CHCHD3: variants seen among roughly 807,000 people sequenced by gnomAD.
CHCHD3 encodes MICOS complex subunit MIC19.
Under a neutral mutation model 38.2 loss-of-function variants are expected in CHCHD3, and 20 were observed. The observed-to-expected ratio is 0.52, with a 90% CI of 0.37 to 0.76. The LOEUF is 0.76. CHCHD3 is among the 30% of genes least tolerant of loss of function. CHCHD3 has a pLI of 0.00. For missense variants in CHCHD3, 245 were observed against 279.2 expected, an observed-to-expected ratio of 0.88 and a Z score of 0.87; for synonymous variants, 82 against 100.0, an observed-to-expected ratio of 0.82 and a Z score of 1.07.
At chr7:132,852,351 G>T (rs1808239940) in intron 5 of CHCHD3, among the ~76,000 whole-genome samples, 1 of 152,154 alleles carries the variant, frequency 6.6e-6, no homozygotes, top group Non-Finnish European at 1.5e-5. Flanking sequence ...ACAGTACACA[G>T]AGATAACCAG....
chr7:132,892,645 AGGAAAAACGGTTGCCT>A (rs1362759477), intron 4 of CHCHD3, among the ~76,000 whole-genome samples: 4 of 152,174 alleles, frequency 2.6e-5, no homozygotes, highest in African/African-American at 7.2e-5. Flanking sequence ...AGGCCTAGGA[AGGAAAAACGGTTGCCT>A]GGACCAGACC....
At chr7:133,061,765 T>C (rs1030409673) in intron 2 of CHCHD3, among the ~76,000 whole-genome samples, 4 of 152,180 alleles carry the variant, frequency 2.6e-5, no homozygotes, top group Admixed American at 2.6e-4. Context: ...CAACCACTCA[T>C]TCAGGGGAAG....
chr7:132,891,780 G>A (rs1233168280), intron 4 of CHCHD3, among the ~76,000 whole-genome samples: 6 of 152,184 alleles, frequency 3.9e-5, no homozygotes, highest in African/African-American at 1.2e-4. Flanking sequence ...TGGATAATGG[G>A]GGAGGTTCCC....
chr7:133,072,467 G>A (rs759876379), intron 1 of CHCHD3, among the ~76,000 whole-genome samples: 18 of 151,958 alleles, frequency 1.2e-4, no homozygotes, highest in East Asian at 7.7e-4. Flanking sequence ...AAGCATAGCC[G>A]GATTAAATAA....
chr7:133,077,321 C>T (rs1456176984), intron 1 of CHCHD3, among the ~76,000 whole-genome samples: 1 of 152,174 alleles, frequency 6.6e-6, no homozygotes, highest in African/African-American at 2.4e-5. Context: ...AATTTGTAGT[C>T]TCTGATAACA....
rs1811220731 is a variant in CHCHD3 at position 132,957,818 on chromosome 7, A to C, written c.369+17351T>G. Among the ~76,000 whole-genome samples the C allele has an allele frequency of 2.0e-5, 3 of 152,146 alleles. 1 individual carries two copies. The South Asian group carries it at 6.2e-4, about 31-fold the overall frequency. ...CTTCAATAAACTTTTGAAAATGAAA[A>C]GCCCAGTTGGCACGTGGTACAGGAG... On this transcript the variant is annotated intron_variant, in intron 4 of 7. Transcript: ENST00000262570.
chr7:132,979,405 G>A (rs921422222), intron 3 of CHCHD3, among the ~76,000 whole-genome samples: 4 of 152,156 alleles, frequency 2.6e-5, no homozygotes, highest in Non-Finnish European at 5.9e-5. Context: ...TGGTTACTGA[G>A]AATGAAGTAG....
chr7:133,059,970 C>A (rs1270658237), intron 2 of CHCHD3, among the ~76,000 whole-genome samples: 3 of 152,060 alleles, frequency 2.0e-5, no homozygotes, highest in African/African-American at 4.8e-5. Flanking sequence ...GGCTCATAAT[C>A]AAATGGGAAA....
chr7:132,880,713 A>G (rs576313808), intron 5 of CHCHD3, among the ~76,000 whole-genome samples: 196 of 152,328 alleles, frequency 1.3e-3, no homozygotes, highest in Middle Eastern at 6.8e-3. Context: ...ATAAACACAC[A>G]TAACTAATCA....
chr7:133,076,043 A>C (rs1814980448), intron 1 of CHCHD3, among the ~76,000 whole-genome samples: 1 of 140,020 alleles, frequency 7.1e-6, no homozygotes, highest in East Asian at 2.1e-4. Context: ...TGGGCAAGAG[A>C]ATGAGATTCT....
In CHCHD3 at chr7:132,799,530, C is replaced by T. The variant is rs140086215; in HGVS notation, c.525-2953G>A. Reference sequence around the variant, plus strand: ...AAAATTAAGTCTTAGCAGCAAAGGACGATTAGACAAGTTAATTTCTTTGTA... The same window carrying T: ...AAAATTAAGTCTTAGCAGCAAAGGATGATTAGACAAGTTAATTTCTTTGTA... On this transcript the variant is annotated intron_variant, in intron 6 of 7. Coordinates refer to ENST00000262570, the MANE Select transcript of CHCHD3 (RefSeq NM_017812.4). Among the ~76,000 whole-genome samples the T allele has an allele frequency of 8.6e-3, 1,303 of 151,916 alleles. 40 individuals carry two copies. The highest frequency in any genetic ancestry group is 0.065 in the Admixed American group (986 of 15,266).
intron 4 of CHCHD3, among the ~76,000 whole-genome samples, chr7:132,920,603 A>G (rs1365612744): frequency 3.9e-5 from 6 of 152,196 alleles, no homozygotes; most frequent in African/African-American, 1.2e-4. Context: ...GTCGTCATGA[A>G]AAAGCAAAAA....
At chr7:132,991,627 T>A (rs1230597338) in intron 3 of CHCHD3, among the ~76,000 whole-genome samples, 1 of 152,180 alleles carries the variant, frequency 6.6e-6, no homozygotes, top group East Asian at 1.9e-4. Flanking sequence ...CAGTTCCAAC[T>A]ATTTCCTCAA....
intron 4 of CHCHD3, among the ~76,000 whole-genome samples, chr7:132,933,508 A>G (rs1313020973): frequency 6.6e-6 from 1 of 152,214 alleles, no homozygotes; most frequent in Non-Finnish European, 1.5e-5. Flanking sequence ...GAATCACTGG[A>G]GAGTTTTGAA....
At chr7:132,963,769 A>T (rs1311397838) in intron 4 of CHCHD3, among the ~76,000 whole-genome samples, 1 of 152,110 alleles carries the variant, frequency 6.6e-6, no homozygotes, top group Non-Finnish European at 1.5e-5. Context: ...GACATACAGT[A>T]AAATCAGTTA....
In CHCHD3 at chr7:132,985,072, T is replaced by TG. The variant is rs1183551957; in HGVS notation, c.252-9787dup. 4.7e-5 allele frequency among the ~76,000 whole-genome samples: 4 copies of TG among 84,352 alleles called. 1 individual carries two copies. The highest frequency in any genetic ancestry group is 7.3e-5 in the Non-Finnish European group (3 of 41,290). 55.3% of individuals were successfully genotyped at this position (84,352 alleles called of 152,430 possible). A position where few individuals can be genotyped will look rare whatever the true frequency, so the allele number is the denominator to read the frequency against. On this transcript the variant is annotated intron_variant, in intron 3 of 7. Coordinates refer to ENST00000262570, the MANE Select transcript of CHCHD3 (RefSeq NM_017812.4). ...CCAGCCGCCCCGTCCGGAAGGGAGG[T>TG]GGGGGGGTTAGCCCCCCGTCCGGCC... is the stretch of plus-strand genomic sequence containing the variant.
chr7:132,841,956 G>C (rs1202950867), intron 5 of CHCHD3, among the ~76,000 whole-genome samples: 2 of 152,070 alleles, frequency 1.3e-5, no homozygotes, highest in African/African-American at 4.8e-5. Context: ...AAATTAGCCA[G>C]GCGTGGTGGC....
chr7:132,936,846 G>A (rs1241928401), intron 4 of CHCHD3, among the ~76,000 whole-genome samples: 2 of 152,146 alleles, frequency 1.3e-5, no homozygotes, highest in Non-Finnish European at 2.9e-5. Flanking sequence ...CATGCTTGAA[G>A]CCCCCATTGC....
At chr7:132,805,491 T>C (rs889327456) in intron 6 of CHCHD3, among the ~76,000 whole-genome samples, 16 of 151,596 alleles carry the variant, frequency 1.1e-4, no homozygotes, top group African/African-American at 3.2e-4. Context: ...CAGGTTGTAG[T>C]AGAGGGTTGG....
Sources: allele counts gnomAD v4.1 joint callset (sites outside exome capture counted in the v4.1 genomes callset), GRCh38; gene constraint gnomAD v4.1.1; transcripts MANE v1.5; gene names NCBI Gene and HGNC (gene_info 2026-07-23, HGNC 2026-07-21).